NTM: variants seen among roughly 807,000 people sequenced by gnomAD.
NTM encodes the protein neurotrimin.
NTM carries 13 observed loss-of-function variants against 42.1 expected under a neutral mutation model. That is an observed-to-expected ratio of 0.31 (90% CI 0.20 to 0.49). The LOEUF (loss-of-function observed/expected upper bound fraction) is 0.49, where lower values mean the gene tolerates loss of function less well. Among genes scored for constraint, NTM ranks in the 20% least tolerant of loss-of-function variants. The pLI is 0.99. For missense variants in NTM, 373 were observed against 452.8 expected (o/e 0.82, Z 1.60); for synonymous variants, 187 against 179.2 (o/e 1.04, Z -0.35).
intron 2 of NTM, among the ~76,000 whole-genome samples, chr11:132,055,648 TGA>T (rs143882473): frequency 4.9e-4 from 69 of 139,690 alleles, no homozygotes; most frequent in Admixed American, 4.7e-3. Context: ...CATGTGTGTG[TGA>T]GAGAGAGAGA....
intron 4 of NTM, among the ~76,000 whole-genome samples, chr11:132,220,535 A>T (rs770310477): frequency 6.6e-6 from 1 of 152,244 alleles, no homozygotes; most frequent in Non-Finnish European, 1.5e-5. Flanking sequence ...AATGAGTTCA[A>T]TGTGCTGAAT....
chr11:131,907,804 CA>C (rs1359927273), intron 1 of NTM, among the ~76,000 whole-genome samples: 1 of 152,092 alleles, frequency 6.6e-6, no homozygotes, highest in Non-Finnish European at 1.5e-5. Context: ...AAAATAAATC[CA>C]GCAGTTTTTA....
chr11:131,850,755 C>G lies in NTM; in HGVS notation c.83-60809C>G, dbSNP rs570346984. 2.0e-4 allele frequency among the ~76,000 whole-genome samples: 31 copies of G among 152,260 alleles called. 1 individual carries two copies. The South Asian group carries it at 6.4e-3, about 32-fold the overall frequency. On this transcript the variant is annotated intron_variant, in intron 1 of 8. Transcript: ENST00000683400. ...CCATCGGATTTGGCTGCGATTGTCT[C>G]GTCGATAAATGTCCTGGCAGGAAAT...
intron 2 of NTM, among the ~76,000 whole-genome samples, chr11:132,138,964 C>T (rs140672884): frequency 1.0e-3 from 158 of 152,240 alleles, no homozygotes; most frequent in African/African-American, 2.5e-3. Flanking sequence ...TAATCATCAC[C>T]GAAAATGAGG....
At chr11:131,916,378 G>GA (rs2056364112) in intron 2 of NTM, among the ~76,000 whole-genome samples, 2 of 152,224 alleles carry the variant, frequency 1.3e-5, no homozygotes, top group Non-Finnish European at 2.9e-5. Context: ...CTTTCCTGGG[G>GA]ATCACTTGGC....
chr11:131,582,994 G>T (rs937255285), intron 1 of NTM, among the ~76,000 whole-genome samples: 3 of 152,198 alleles, frequency 2.0e-5, no homozygotes, highest in Non-Finnish European at 4.4e-5. Flanking sequence ...TAGGACGATG[G>T]CTCCGAATGC....
At chr11:131,741,940 T>C (rs1298430926) in intron 1 of NTM, among the ~76,000 whole-genome samples, 1 of 152,178 alleles carries the variant, frequency 6.6e-6, no homozygotes, top group Non-Finnish European at 1.5e-5. Context: ...TCAATGGAGC[T>C]GGAGGCCATT....
intron 1 of NTM, among the ~76,000 whole-genome samples, chr11:131,562,771 T>G (rs1383747997): frequency 6.6e-6 from 1 of 152,214 alleles, no homozygotes; most frequent in East Asian, 1.9e-4. Context: ...ATTTTGTAAT[T>G]ATGTCTTTCC....
At chr11:131,431,777 C>T (rs761752912) in intron 1 of NTM, among the ~76,000 whole-genome samples, 2 of 152,136 alleles carry the variant, frequency 1.3e-5, no homozygotes, top group East Asian at 1.9e-4. Flanking sequence ...TGGAGCCAAG[C>T]GTGCATCTCC....
At chr11:131,999,863 T>G (rs761447898) in intron 2 of NTM, among the ~76,000 whole-genome samples, 1 of 152,238 alleles carries the variant, frequency 6.6e-6, no homozygotes, top group Non-Finnish European at 1.5e-5. Flanking sequence ...TGGAGAGATT[T>G]GACAGGCTTT....
At chr11:131,538,854 G>A (rs2052700355) in intron 1 of NTM, among the ~76,000 whole-genome samples, 1 of 150,246 alleles carries the variant, frequency 6.7e-6, no homozygotes, top group Non-Finnish European at 1.5e-5. Flanking sequence ...AAATTGCTAA[G>A]AGAGTAAATT....
chr11:131,616,400 A>G (rs2061943160), intron 1 of NTM, among the ~76,000 whole-genome samples: 1 of 152,218 alleles, frequency 6.6e-6, no homozygotes. Context: ...CAAGGGAGAG[A>G]GCCAGGCCTC....
intron 1 of NTM, among the ~76,000 whole-genome samples, chr11:131,645,483 A>G (rs540116046): frequency 6.6e-6 from 1 of 152,326 alleles, no homozygotes; most frequent in African/African-American, 2.4e-5. Context: ...TACATGCTAA[A>G]TAGGGAAAGG....
chr11:131,539,578 C>G (rs762439180), intron 1 of NTM: 1 of 152,234 alleles, frequency 6.6e-6, no homozygotes, highest in Non-Finnish European at 1.5e-5. Context: ...GGCCTGAGAG[C>G]CTAATTCCAT....
At chr11:131,441,771 G>A (rs568857929) in intron 1 of NTM, among the ~76,000 whole-genome samples, 5 of 152,344 alleles carry the variant, frequency 3.3e-5, no homozygotes, top group African/African-American at 1.2e-4. Context: ...GACTGGAATA[G>A]GGTTGTCTGC....
At chr11:131,911,335 C>A in intron 1 of NTM, 1 of 1,487,256 alleles carries the variant, frequency 6.7e-7, no homozygotes, top group Non-Finnish European at 8.9e-7. Flanking sequence ...GGAGTCTGCG[C>A]GCTTTTCTCC....
intron 1 of NTM, among the ~76,000 whole-genome samples, chr11:131,648,530 AGC>A (rs2066054674): frequency 6.6e-6 from 1 of 152,178 alleles, no homozygotes; most frequent in Admixed American, 6.5e-5. Context: ...TTTTAATAGT[AGC>A]CATTCTGACT....
chr11:131,876,729 T>A (rs894457873), intron 1 of NTM, among the ~76,000 whole-genome samples: 5 of 152,176 alleles, frequency 3.3e-5, no homozygotes, highest in Non-Finnish European at 7.3e-5. Flanking sequence ...ACAACCTCAT[T>A]TTTTTCTGTC....
At chr11:131,970,298 A>G (rs2063367111) in intron 2 of NTM, among the ~76,000 whole-genome samples, 2 of 152,126 alleles carry the variant, frequency 1.3e-5, no homozygotes, top group East Asian at 3.9e-4. Context: ...ATTTGATTGT[A>G]TGTTTTCTGT....
Sources: gnomAD v4.1 joint callset for allele counts (sites outside exome capture counted in the v4.1 genomes callset) on GRCh38, gnomAD v4.1.1 for gene constraint, MANE v1.5 for transcripts, NCBI Gene and HGNC (gene_info 2026-07-23, HGNC 2026-07-21) for gene names.